STPG2: variants seen among roughly 807,000 people sequenced by gnomAD.
The protein encoded by STPG2 is sperm-tail PG-rich repeat-containing protein 2.
STPG2 carries 56 observed loss-of-function variants against 54.2 expected under a neutral mutation model. The ratio of observed to expected loss-of-function variants is 1.03; its 90% CI spans 0.83 to 1.29. The LOEUF is 1.29. Ranked by LOEUF, STPG2 falls within the 50% of genes most tolerant of loss-of-function variation. The pLI, the probability that STPG2 is intolerant of heterozygous loss-of-function variation, is 0.00. For synonymous variants in STPG2, 200 were observed against 181.8 expected (o/e 1.10, Z -0.81); for missense variants, 596 against 544.9 (o/e 1.09, Z -0.93).
intron 4 of STPG2, among the ~76,000 whole-genome samples, chr4:97,516,308 G>A (rs1013757384): frequency 2.4e-4 from 36 of 152,084 alleles, no homozygotes; most frequent in African/African-American, 8.0e-4. Context: ...CAAATTTTAA[G>A]GTTAAAGGTA....
chr4:97,628,002 T>C (rs983628045), intron 10 of STPG2, among the ~76,000 whole-genome samples: 4 of 152,102 alleles, frequency 2.6e-5, no homozygotes, highest in East Asian at 1.9e-4. Flanking sequence ...CCCGCCCACA[T>C]TGGGGAGGGC....
chr4:97,808,174 T>C (rs150704635), intron 9 of STPG2, among the ~76,000 whole-genome samples: 25 of 151,960 alleles, frequency 1.6e-4, no homozygotes, highest in African/African-American at 5.3e-4. Context: ...GGTAGTATCT[T>C]AGATGAAAAG....
chr4:97,861,524 T>C (rs1001838755), intron 8 of STPG2, among the ~76,000 whole-genome samples: 4 of 151,892 alleles, frequency 2.6e-5, no homozygotes, highest in Non-Finnish European at 5.9e-5. Context: ...AGAAAAGAAA[T>C]CAGTATATCA....
intron 5 of STPG2, among the ~76,000 whole-genome samples, chr4:98,042,450 G>C (rs1174107380): frequency 1.3e-5 from 2 of 151,428 alleles, no homozygotes; most frequent in Non-Finnish European, 3.0e-5. Flanking sequence ...TTTTATGTTT[G>C]CATTTAACAC....
At chr4:97,481,075 C>T (rs1730208609) in intron 4 of STPG2, among the ~76,000 whole-genome samples, 1 of 151,418 alleles carries the variant, frequency 6.6e-6, no homozygotes, top group South Asian at 2.1e-4. Context: ...AATTGTTTTA[C>T]ATGGCATGAC....
At chr4:97,899,965 C>G (rs1431980509) in intron 8 of STPG2, among the ~76,000 whole-genome samples, 1 of 147,844 alleles carries the variant, frequency 6.8e-6, no homozygotes, top group East Asian at 2.0e-4. Flanking sequence ...GCAAATGAAA[C>G]TATCAACAGA....
chr4:97,857,723 C>A lies in STPG2; in HGVS notation c.1045-16791G>T, dbSNP rs182175832. Among the ~76,000 whole-genome samples, 26 of 151,980 alleles carry A rather than the reference C, an allele frequency of 1.7e-4. No homozygotes were observed. The East Asian group carries it at 3.5e-3, about 20-fold the overall frequency. ...GCACAAGAGACCAATCCCGGAAAAA[C>A]AGAGATATATGACCTTTCAGACAGA... On this transcript the variant is annotated intron_variant, in intron 8 of 10. Coordinates refer to ENST00000295268, the MANE Select transcript of STPG2 (RefSeq NM_174952.3).
chr4:97,942,400 A>C (rs1733021617), intron 8 of STPG2, among the ~76,000 whole-genome samples: 1 of 152,056 alleles, frequency 6.6e-6, no homozygotes, highest in African/African-American at 2.4e-5. Context: ...AAATTCCTCA[A>C]GATGAAGAAA....
chr4:98,137,269 G>C (rs1324805850), intron 1 of STPG2, among the ~76,000 whole-genome samples: 1 of 151,038 alleles, frequency 6.6e-6, no homozygotes, highest in South Asian at 2.1e-4. Flanking sequence ...AATGATAAAG[G>C]GGTCATTTCA....
At chr4:97,660,177 T>C (rs1185717311) in intron 10 of STPG2, among the ~76,000 whole-genome samples, 3 of 152,186 alleles carry the variant, frequency 2.0e-5, no homozygotes, top group African/African-American at 7.2e-5. Context: ...TAATTTTTTG[T>C]ATTTTTAGTA....
chr4:97,551,744 A>G (rs1310648356), intron 4 of STPG2, among the ~76,000 whole-genome samples: 1 of 152,228 alleles, frequency 6.6e-6, no homozygotes. Context: ...ATGTACATAG[A>G]AAAAATAACA....
chr4:97,915,992 G>T (rs1465917771), intron 8 of STPG2, among the ~76,000 whole-genome samples: 1 of 152,164 alleles, frequency 6.6e-6, no homozygotes, highest in Non-Finnish European at 1.5e-5. Flanking sequence ...ATGGAAAAGA[G>T]GATATGGACG....
chr4:97,701,533 T>C (rs978753874), intron 10 of STPG2, among the ~76,000 whole-genome samples: 4 of 152,148 alleles, frequency 2.6e-5, no homozygotes, highest in African/African-American at 9.7e-5. Flanking sequence ...GTTGGTAGTG[T>C]AGTGGGGTCC....
chr4:97,838,666 C>T (rs760642951), intron 9 of STPG2, among the ~76,000 whole-genome samples: 2 of 151,472 alleles, frequency 1.3e-5, no homozygotes, highest in Non-Finnish European at 1.5e-5. Context: ...TACCAGAATA[C>T]GGCATGATAT....
intron 8 of STPG2, among the ~76,000 whole-genome samples, chr4:97,907,031 A>T (rs1459106796): frequency 6.6e-6 from 1 of 151,434 alleles, no homozygotes; most frequent in Non-Finnish European, 1.5e-5. Flanking sequence ...ATTAGGCAGG[A>T]GAAGGAAATA....
intron 4 of STPG2, among the ~76,000 whole-genome samples, chr4:97,495,892 C>A (rs1321090216): frequency 6.6e-6 from 1 of 151,488 alleles, no homozygotes; most frequent in Non-Finnish European, 1.5e-5. Flanking sequence ...CAGTAAGTAG[C>A]TATTATCCAC....
At chr4:97,514,665 A>T (rs1003162932) in intron 4 of STPG2, among the ~76,000 whole-genome samples, 1 of 152,094 alleles carries the variant, frequency 6.6e-6, no homozygotes, top group Non-Finnish European at 1.5e-5. Flanking sequence ...CATACTTGAA[A>T]ATGCTAGCTG....
intron 9 of STPG2, among the ~76,000 whole-genome samples, chr4:97,735,333 A>C (rs1359148911): frequency 6.6e-6 from 1 of 151,482 alleles, no homozygotes; most frequent in Admixed American, 6.6e-5. Flanking sequence ...TCTCACTTAT[A>C]AGTGGGAGCT....
intron 2 of STPG2, among the ~76,000 whole-genome samples, chr4:98,132,775 C>A (rs1740034224): frequency 6.6e-6 from 1 of 151,818 alleles, no homozygotes; most frequent in Admixed American, 6.6e-5. Flanking sequence ...GAGAAGATAG[C>A]AATTATAGTT....
Sources: gnomAD v4.1 joint callset for allele counts (sites outside exome capture counted in the v4.1 genomes callset) on GRCh38, gnomAD v4.1.1 for gene constraint, MANE v1.5 for transcripts, NCBI Gene and HGNC (gene_info 2026-07-23, HGNC 2026-07-21) for gene names.